Variants in LINGO2 observed in about 807,000 individuals in gnomAD.
LINGO2 encodes leucine-rich repeat and immunoglobulin-like domain-containing nogo receptor-interacting protein 2.
In LINGO2, 14 loss-of-function variants were observed where a neutral mutation model predicts 30.6. That is an observed-to-expected ratio of 0.46 (90% CI 0.30 to 0.72). The LOEUF (loss-of-function observed/expected upper bound fraction) is 0.72. Among genes scored for constraint, LINGO2 ranks in the 30% least tolerant of loss-of-function variants. The pLI is 0.07. For synonymous variants in LINGO2, 317 were observed against 288.5 expected (o/e 1.10, Z -1.00); for missense variants, 729 against 751.7 (o/e 0.97, Z 0.35).
At chr9:28,625,725 C>T (rs922484729) in intron 1 of LINGO2, among the ~76,000 whole-genome samples, 1 of 151,630 alleles carries the variant, frequency 6.6e-6, no homozygotes, top group Non-Finnish European at 1.5e-5. Flanking sequence ...TTATTTATTC[C>T]TGAACATTTG....
chr9:28,373,650 A>G (rs1015644893), intron 2 of LINGO2, among the ~76,000 whole-genome samples: 2 of 152,168 alleles, frequency 1.3e-5, no homozygotes, highest in African/African-American at 4.8e-5. Flanking sequence ...CTGTAATCCG[A>G]GCACTTTGGG....
intron 4 of LINGO2, among the ~76,000 whole-genome samples, chr9:28,093,510 A>G (rs1587837865): frequency 6.6e-6 from 1 of 152,104 alleles, no homozygotes; most frequent in Non-Finnish European, 1.5e-5. Context: ...AGTATACAGT[A>G]AGTACTCACT....
intron 4 of LINGO2, among the ~76,000 whole-genome samples, chr9:28,153,544 G>C (rs1236320676): frequency 1.3e-5 from 2 of 152,102 alleles, no homozygotes; most frequent in Non-Finnish European, 2.9e-5. Flanking sequence ...TTTTAAAATA[G>C]AATGCAACCC....
chr9:28,276,059 G>C (rs1473489933), intron 4 of LINGO2, among the ~76,000 whole-genome samples: 1 of 152,102 alleles, frequency 6.6e-6, no homozygotes, highest in Non-Finnish European at 1.5e-5. Context: ...GAGAGCTTTT[G>C]AAGATGAAAG....
At chr9:28,661,703 A>G (rs1371182575) in intron 1 of LINGO2, among the ~76,000 whole-genome samples, 1 of 152,182 alleles carries the variant, frequency 6.6e-6, no homozygotes, top group Non-Finnish European at 1.5e-5. Context: ...GAAATCTTCA[A>G]AAATGATAGA....
intron 1 of LINGO2, among the ~76,000 whole-genome samples, chr9:28,585,679 C>A (rs1243844500): frequency 1.3e-5 from 2 of 151,926 alleles, no homozygotes; most frequent in Non-Finnish European, 2.9e-5. Flanking sequence ...TTTTTACTTA[C>A]AATATTTTCA....
At chr9:28,861,468 A>G in the LINGO2 span, among the ~76,000 whole-genome samples, 116,690 of 147,602 alleles carry the variant, frequency 0.79, 46,219 homozygotes, top group East Asian at 0.89. Context: ...GAAATTAGGG[A>G]AGCTTGATAT....
intron 4 of LINGO2, among the ~76,000 whole-genome samples, chr9:28,181,284 C>T (rs1828904269): frequency 6.6e-6 from 1 of 152,184 alleles, no homozygotes. Context: ...TATTCATTGA[C>T]TGAGCAGAAA....
At chr9:28,341,094 CAAAG>C (rs1825751251) in intron 3 of LINGO2, among the ~76,000 whole-genome samples, 1 of 151,920 alleles carries the variant, frequency 6.6e-6, no homozygotes, top group Admixed American at 6.6e-5. Flanking sequence ...GTTTAATGAA[CAAAG>C]AAAGTTGACT....
chr9:29,114,072 T>A, the LINGO2 span, among the ~76,000 whole-genome samples: 1 of 152,052 alleles, frequency 6.6e-6, no homozygotes, highest in Non-Finnish European at 1.5e-5. Context: ...GGGAAATCAT[T>A]AGGTATCCCC....
intron 3 of LINGO2, among the ~76,000 whole-genome samples, chr9:28,330,388 T>C (rs1320485517): frequency 2.0e-5 from 3 of 152,154 alleles, no homozygotes; most frequent in Non-Finnish European, 2.9e-5. Flanking sequence ...TACAGAGAGC[T>C]CCCATATGTC....
At chr9:29,178,565 G>A in the LINGO2 span, among the ~76,000 whole-genome samples, 1 of 151,782 alleles carries the variant, frequency 6.6e-6, no homozygotes, top group African/African-American at 2.4e-5. Flanking sequence ...AAAAAAGACA[G>A]TAAAAAAAAT....
rs183699359 is a variant in LINGO2, at chr9:28,651,544, G to T, written c.-365+18656C>A. 2.0e-5 allele frequency among the ~76,000 whole-genome samples: 3 copies of T among 152,192 alleles called. No individual in the cohort carries two copies. The East Asian group carries it at 5.8e-4, about 29-fold the overall frequency. On this transcript the variant is annotated intron_variant, in intron 1 of 5. Coordinates refer to ENST00000379992, the Ensembl canonical transcript of LINGO2. The stretch of plus-strand genomic sequence containing the variant: ...CACCATGTCCATCAGAGCTCTCTAA[G>T]GGCTTGATCTAACTCATCAGGTTTC...
At chr9:28,959,604 TCTCTCC>T in the LINGO2 span, among the ~76,000 whole-genome samples, 1,256 of 140,310 alleles carry the variant, frequency 9.0e-3, 21 homozygotes, top group East Asian at 0.019. Flanking sequence ...TCTCTCTCTC[TCTCTCC>T]CTCACACACA....
At chr9:28,191,457 A>AT (rs1450747826) in intron 4 of LINGO2, among the ~76,000 whole-genome samples, 3 of 151,982 alleles carry the variant, frequency 2.0e-5, no homozygotes, top group African/African-American at 7.2e-5. Context: ...ATCAACTTTC[A>AT]TTTTTTGTCT....
the LINGO2 span, among the ~76,000 whole-genome samples, chr9:29,212,611 A>C: frequency 1.3e-5 from 2 of 150,914 alleles, no homozygotes; most frequent in African/African-American, 4.9e-5. Context: ...TAAAAAAAAA[A>C]CCTCTCTGGT....
At chr9:28,765,019 T>C in the LINGO2 span, among the ~76,000 whole-genome samples, 1 of 152,068 alleles carries the variant, frequency 6.6e-6, no homozygotes, top group South Asian at 2.1e-4. Flanking sequence ...TGAAAAGATA[T>C]CCCTTGTTTA....
intron 1 of LINGO2, among the ~76,000 whole-genome samples, chr9:28,501,088 G>C (rs1475322686): frequency 6.6e-6 from 1 of 151,810 alleles, no homozygotes; most frequent in Non-Finnish European, 1.5e-5. Context: ...ATATATACTA[G>C]CAAAACAAAT....
intron 1 of LINGO2, among the ~76,000 whole-genome samples, chr9:28,542,182 T>TGCAATAG (rs1329867415): frequency 6.6e-6 from 1 of 152,014 alleles, no homozygotes. Context: ...TTGCAATGGA[T>TGCAATAG]GGAAATGGCC....
Sources: gnomAD v4.1 joint callset for allele counts (sites outside exome capture counted in the v4.1 genomes callset) on GRCh38, gnomAD v4.1.1 for gene constraint, MANE v1.5 for transcripts, NCBI Gene and HGNC (gene_info 2026-07-23, HGNC 2026-07-21) for gene names.